Variants in DENND4A observed in about 807,000 individuals in gnomAD.
DENND4A encodes DENN domain containing 4A.
A neutral mutation model predicts 199.3 loss-of-function variants in DENND4A; 70 were observed. The observed-to-expected ratio is 0.35, with a 90% CI of 0.29 to 0.43. DENND4A has a LOEUF of 0.43. Among genes scored for constraint, DENND4A ranks in the 20% least tolerant of loss-of-function variants. DENND4A has a pLI of 1.00. For missense variants in DENND4A, 1,723 were observed against 2,255.8 expected (o/e 0.76, Z 4.78); for synonymous variants, 686 against 766.9 (o/e 0.89, Z 1.74).
At chr15:65,674,653 G>C (rs1026602443) in intron 24 of DENND4A, among the ~76,000 whole-genome samples, 11 of 151,640 alleles carry the variant, frequency 7.3e-5, no homozygotes, top group African/African-American at 2.7e-4. Flanking sequence ...GCTGAGGCTT[G>C]AGCATGGGAG....
chr15:65,679,676 A>G (rs2076504766), intron 23 of DENND4A, among the ~76,000 whole-genome samples: 1 of 150,468 alleles, frequency 6.6e-6, no homozygotes, highest in Non-Finnish European at 1.5e-5. Context: ...GACCACAGGC[A>G]TGCACCACCA....
At chr15:65,735,037 C>T in intron 7 of DENND4A, among the ~76,000 whole-genome samples, 1 of 152,068 alleles carries the variant, frequency 6.6e-6, no homozygotes, top group East Asian at 1.9e-4. Context: ...TAGCCATGAT[C>T]ATGCCACTGC....
At chr15:65,788,854 T>TAAAAA (rs34831088) in intron 1 of DENND4A, among the ~76,000 whole-genome samples, 1 of 102,378 alleles carries the variant, frequency 9.8e-6, no homozygotes, top group Non-Finnish European at 1.9e-5. Context: ...GGACTTGTCT[T>TAAAAA]AAAAAAAAAA....
chr15:65,765,728 GCA>G (rs753556337), intron 1 of DENND4A, among the ~76,000 whole-genome samples: 2 of 152,080 alleles, frequency 1.3e-5, no homozygotes, highest in African/African-American at 2.4e-5. Flanking sequence ...CCCTGTATAA[GCA>G]CAGTTTTGTC....
chr15:65,752,258 TGTA>T, intron 4 of DENND4A, 118 bp downstream of exon 4: 1 of 901,482 alleles, frequency 1.1e-6, no homozygotes, highest in Non-Finnish European at 1.5e-6. Flanking sequence ...TTTTCAATTC[TGTA>T]ATTAAACTAT....
intron 24 of DENND4A, among the ~76,000 whole-genome samples, chr15:65,674,398 T>A (rs992904200): frequency 1.3e-5 from 2 of 152,208 alleles, no homozygotes. Flanking sequence ...GGGTTCTAGA[T>A]GCTATGAATG....
Position 65,691,042 on chromosome 15 carries a change from T to C in DENND4A, c.3552A>G (p.Thr1184=). The C allele has an allele frequency of 6.2e-7, 1 of 1,612,642 alleles. No homozygotes were observed. The highest frequency in any genetic ancestry group is 8.5e-7 in the Non-Finnish European group (1 of 1,179,270). ...TACGTTGAATCCTCTTGGGATTTTGTGTAGCAACACATCCTGCTTTTGATA... is the reference window on the plus strand; with the variant it reads ...TACGTTGAATCCTCTTGGGATTTTGCGTAGCAACACATCCTGCTTTTGATA... The part of the protein sequence containing the change: ...TDVSKAGCVA[T]QNPKRIQRMN... The change falls in exon 23 of 33, where the codon ACA becomes ACG. Residue 1184 remains threonine (T), a synonymous_variant. Coordinates refer to ENST00000443035, the MANE Select transcript of DENND4A (RefSeq NM_001320835.1).
Position 65,690,516 on chromosome 15 carries a change from G to T in DENND4A, c.4078C>A (p.Leu1360Ile), listed in dbSNP as rs376831531. ...FNLDTLLVPK[L>I]DVLRNSMFTA... The stretch of plus-strand genomic sequence containing the variant: ...AACATACTGTTTCTTAGAACATCTA[G>T]TTTAGGTACTAGTAGTGTATCTAAG... The change falls in exon 23 of 33, where the codon CTA becomes ATA. Residue 1360 changes from leucine to isoleucine, a missense_variant. Physicochemically the swap from Leu to Ile is conservative, Grantham distance 5 (BLOSUM62 2). Coordinates refer to ENST00000443035, the MANE Select transcript of DENND4A (RefSeq NM_001320835.1). 39 of 1,613,352 alleles carry T rather than the reference G, an allele frequency of 2.4e-5. No individual in the cohort carries two copies. The highest frequency in any genetic ancestry group is 3.1e-5 in the Non-Finnish European group (36 of 1,179,574).
chr15:65,747,818 G>A (rs1407149763), intron 4 of DENND4A, among the ~76,000 whole-genome samples: 4 of 151,832 alleles, frequency 2.6e-5, no homozygotes, highest in Non-Finnish European at 5.9e-5. Flanking sequence ...TCAGGTGGGC[G>A]GATCACAAGG....
At chr15:65,764,647 T>C (rs2076934618) in intron 1 of DENND4A, among the ~76,000 whole-genome samples, 1 of 150,794 alleles carries the variant, frequency 6.6e-6, no homozygotes, top group Non-Finnish European at 1.5e-5. Flanking sequence ...ACCCAATAAT[T>C]AATTAAATTT....
chr15:65,685,908 GCA>G (rs146564706), intron 23 of DENND4A, among the ~76,000 whole-genome samples: 9,312 of 152,246 alleles, frequency 0.061, 298 homozygotes, highest in African/African-American at 0.085. Context: ...TATGCTAGCA[GCA>G]CAGTCTTGAT....
chr15:65,669,979 G>C, intron 26 of DENND4A, 34 bp downstream of exon 26: 1 of 1,600,782 alleles, frequency 6.2e-7, no homozygotes, highest in South Asian at 1.1e-5. Flanking sequence ...TAGGGAACAT[G>C]ATCCTTAAAC....
intron 23 of DENND4A, among the ~76,000 whole-genome samples, chr15:65,686,654 C>T (rs919359174): frequency 2.6e-5 from 4 of 152,156 alleles, no homozygotes; most frequent in Admixed American, 2.0e-4. Flanking sequence ...CCTCCCACCT[C>T]AACCTCCTGA....
intron 15 of DENND4A, 157 bp downstream of exon 15, chr15:65,705,934 A>G (rs2075036144): frequency 1.1e-6 from 1 of 919,706 alleles, no homozygotes; most frequent in Non-Finnish European, 1.3e-6. Context: ...TATACCTCAA[A>G]GCTTAATAAT....
chr15:65,718,444 A>T (rs568532922), intron 12 of DENND4A, among the ~76,000 whole-genome samples: 6 of 152,214 alleles, frequency 3.9e-5, no homozygotes, highest in African/African-American at 7.2e-5. Context: ...AAAGCTGTTC[A>T]ACATAAATAT....
chr15:65,692,533 T>C (rs2077008806), intron 22 of DENND4A, among the ~76,000 whole-genome samples: 1 of 152,188 alleles, frequency 6.6e-6, no homozygotes, highest in Non-Finnish European at 1.5e-5. Context: ...TGCCTTTTCT[T>C]GTCATGTGAT....
At chr15:65,729,791 A>C in intron 9 of DENND4A, 113 bp from the exon 10 acceptor site, 1 of 951,604 alleles carries the variant, frequency 1.1e-6, no homozygotes, top group African/African-American at 1.7e-5. Context: ...ATATATGTTG[A>C]TTAGGGTACA....
chr15:65,695,140 CA>C (rs2077100339), intron 22 of DENND4A, among the ~76,000 whole-genome samples: 1 of 152,044 alleles, frequency 6.6e-6, no homozygotes, highest in Non-Finnish European at 1.5e-5. Flanking sequence ...CAAAGAAATG[CA>C]AAATAAGAGT....
At chr15:65,791,823 G>A (rs919926394) in intron 1 of DENND4A, among the ~76,000 whole-genome samples, 187 bp downstream of exon 1, 2 of 152,146 alleles carry the variant, frequency 1.3e-5, no homozygotes, top group Admixed American at 6.5e-5. Flanking sequence ...GCACCGCCGC[G>A]CCATCCCGGG....
Sources: allele counts gnomAD v4.1 joint callset (sites outside exome capture counted in the v4.1 genomes callset), GRCh38; gene constraint gnomAD v4.1.1; transcripts MANE v1.5; gene names NCBI Gene and HGNC (gene_info 2026-07-23, HGNC 2026-07-21).